ALMS1: variants seen among roughly 807,000 people sequenced by gnomAD.
The protein encoded by ALMS1 is ALMS1 centrosome and basal body associated protein.
A neutral mutation model predicts 352.2 loss-of-function variants in ALMS1; 271 were observed. The observed-to-expected ratio is 0.77, with a 90% CI of 0.70 to 0.85. ALMS1 has a LOEUF of 0.85. Among genes scored for constraint, ALMS1 ranks in the 40% least tolerant of loss-of-function variants. The probability of loss-of-function intolerance (pLI) is 0.00; values close to 1 mark genes in which losing one functional copy is unlikely to be tolerated. For synonymous variants in ALMS1, 1,865 were observed against 1,761.2 expected, an observed-to-expected ratio of 1.06 and a Z score of -1.48; for missense variants, 5,445 against 4,870.7, an observed-to-expected ratio of 1.12 and a Z score of -3.51.
At position 73,491,288 on chromosome 2, in the gene ALMS1, A is replaced by C; in HGVS notation, c.9329A>C (p.Asp3110Ala). The stretch of plus-strand genomic sequence containing the variant: ...TTGACCAGTAAACCTGTAGCACAGG[A>C]TCAAGAATCTTTAGGTTTTCTAGGA... ...KLLTSKPVAQ[D>A]QESLGFLGPK... The change falls in exon 10 of 23, where the codon GAT becomes GCT. Residue 3110 changes from aspartate to alanine, a missense_variant. Physicochemically the swap from Asp to Ala is moderately radical, Grantham distance 126. Transcript: ENST00000613296. 1.9e-6 allele frequency: 3 copies of C among 1,614,186 alleles called. No homozygotes were observed. The highest frequency in any genetic ancestry group is 2.5e-6 in the Non-Finnish European group (3 of 1,180,018).
In ALMS1 at chr2:73,455,179, A is replaced by C. The variant is rs745351635; in HGVS notation, c.7558A>C (p.Asn2520His). ...VRAHAWNMKFNLAHDCGYSIS... is the reference protein window; with the variant it reads ...VRAHAWNMKFHLAHDCGYSIS... ...CTCTCCAGCCTGGAATATGAAGTTC[A>C]ATTTAGCACATGATTGTGGATACTC... The change falls in exon 9 of 23, where the codon AAT becomes CAT. Residue 2520 changes from asparagine (N) to histidine (H), a missense_variant. Asn to His is a moderately conservative substitution (Grantham distance 68). Transcript: ENST00000613296. 1.9e-6 allele frequency: 3 copies of C among 1,613,166 alleles called. No homozygotes were observed. The African/African-American group carries it at 4.0e-5, about 22-fold the overall frequency.
intron 16 of ALMS1, among the ~76,000 whole-genome samples, chr2:73,589,824 A>G (rs1675387048): frequency 6.6e-6 from 1 of 152,124 alleles, no homozygotes; most frequent in Non-Finnish European, 1.5e-5. Context: ...ATGTCCCCTT[A>G]TGCGTCTGTC....
chr2:73,569,319 G>A (rs905896175), intron 15 of ALMS1, among the ~76,000 whole-genome samples: 2 of 151,814 alleles, frequency 1.3e-5, no homozygotes, highest in African/African-American at 4.8e-5. Context: ...CCAGCCTTCA[G>A]CTTGCTTATT....
intron 9 of ALMS1, among the ~76,000 whole-genome samples, chr2:73,488,172 G>T (rs780389): frequency 1.3e-5 from 2 of 151,986 alleles, no homozygotes; most frequent in African/African-American, 4.8e-5. Context: ...GGTACCCATG[G>T]CACACCCAGG....
At chr2:73,428,625 C>T (rs906380194) in intron 6 of ALMS1, among the ~76,000 whole-genome samples, 8 of 152,078 alleles carry the variant, frequency 5.3e-5, no homozygotes, top group African/African-American at 1.9e-4. Flanking sequence ...TAGCTTTGAC[C>T]ACTGCTCCAA....
At chr2:73,535,033 C>T in intron 12 of ALMS1, 84 bp downstream of exon 12, 1 of 1,546,966 alleles carries the variant, frequency 6.5e-7, no homozygotes, top group South Asian at 1.1e-5. Flanking sequence ...GACAAAAGTC[C>T]AGTGCTCTTT....
chr2:73,598,878 C>T (rs1220520656), intron 16 of ALMS1, among the ~76,000 whole-genome samples: 8 of 152,116 alleles, frequency 5.3e-5, no homozygotes, highest in South Asian at 4.2e-4. Context: ...TTGCTCTGAA[C>T]GTAATTTAAA....
intron 15 of ALMS1, among the ~76,000 whole-genome samples, chr2:73,564,089 G>C (rs1171169154): frequency 6.6e-6 from 1 of 150,526 alleles, no homozygotes; most frequent in Admixed American, 6.6e-5. Context: ...AGCCTATATG[G>C]GTTAAACTTA....
At chr2:73,434,841 T>C (rs1276083358) in intron 7 of ALMS1, among the ~76,000 whole-genome samples, 1 of 152,224 alleles carries the variant, frequency 6.6e-6, no homozygotes, top group Non-Finnish European at 1.5e-5. Flanking sequence ...TCTTGTTCTG[T>C]TGCCCAGGCT....
intron 9 of ALMS1, among the ~76,000 whole-genome samples, chr2:73,480,615 G>A (rs1180051533): frequency 2.0e-4 from 30 of 151,376 alleles, no homozygotes; most frequent in Non-Finnish European, 7.4e-5. Flanking sequence ...TGGGTCAAAT[G>A]GTATTTCTAG....
rs183237753 is a variant in ALMS1, at chr2:73,466,038, A to T, written c.7674+10743A>T. Among the ~76,000 whole-genome samples, 961 of 152,258 alleles carry T rather than the reference A, an allele frequency of 6.3e-3. 12 individuals are homozygous for T. Among genetic ancestry groups the T allele is most frequent in the African/African-American group, 0.022 (904 of 41,540 alleles). ...AGGAACACTTTACACTGTTGGTGGG[A>T]CTATAAACTAGTTCAACCACTGTGG... On this transcript the variant is annotated intron_variant, in intron 9 of 22. Coordinates refer to ENST00000613296, the MANE Select transcript of ALMS1 (RefSeq NM_001378454.1).
intron 13 of ALMS1, among the ~76,000 whole-genome samples, chr2:73,554,847 C>T (rs1674511127): frequency 1.3e-5 from 2 of 152,078 alleles, no homozygotes; most frequent in African/African-American, 4.8e-5. Flanking sequence ...CACGTTTTCC[C>T]CCATATTTTC....
In ALMS1 at chr2:73,600,742, T is replaced by A. The variant is rs766642540; in HGVS notation, c.11733T>A (p.Thr3911=). ...GAGATGTTGGGATAACTTTCCCAACTCCAAGTTCCAGCGAGGCTAAATTGG... is the reference window on the plus strand; with the variant it reads ...GAGATGTTGGGATAACTTTCCCAACACCAAGTTCCAGCGAGGCTAAATTGG... ...HTRDVGITFP[T]PSSSEAKLEE... The change falls in exon 18 of 23, where the codon ACT becomes ACA. Residue 3911 remains threonine (T), a synonymous_variant. Coordinates refer to ENST00000613296, the MANE Select transcript of ALMS1 (RefSeq NM_001378454.1). 8 of 1,614,158 alleles carry A rather than the reference T, an allele frequency of 5.0e-6. No individual in the cohort carries two copies. Among genetic ancestry groups the A allele is most frequent in the South Asian group, 2.2e-5 (2 of 91,064 alleles).
intron 7 of ALMS1, among the ~76,000 whole-genome samples, chr2:73,446,194 G>T (rs1671808586): frequency 1.3e-5 from 2 of 152,050 alleles, no homozygotes; most frequent in African/African-American, 2.4e-5. Flanking sequence ...AGGTTAAAAA[G>T]ACCTTATCTT....
intron 16 of ALMS1, among the ~76,000 whole-genome samples, chr2:73,582,375 G>A (rs888001192): frequency 3.3e-5 from 5 of 151,842 alleles, no homozygotes; most frequent in African/African-American, 1.2e-4. Context: ...TCTTGTGCGT[G>A]GTAAAAAACA....
chr2:73,528,995 C>A (rs1329590001), intron 11 of ALMS1, among the ~76,000 whole-genome samples: 1 of 138,104 alleles, frequency 7.2e-6, no homozygotes, highest in Admixed American at 7.3e-5. Context: ...ATTCTGAGTT[C>A]TTTCTCTGTG....
In ALMS1 at chr2:73,424,426, T is replaced by C. The variant is rs1671338808; in HGVS notation, c.765-4T>C. ...TTTATTTATTTTTAACTATATATTTTCAGGGGAATTCCTGATAAGTCTGAA... is the reference window on the plus strand; with the variant it reads ...TTTATTTATTTTTAACTATATATTTCCAGGGGAATTCCTGATAAGTCTGAA... On this transcript the variant is annotated splice_polypyrimidine_tract_variant and splice_region_variant and intron_variant, in intron 4 of 22. Coordinates refer to ENST00000613296, the MANE Select transcript of ALMS1 (RefSeq NM_001378454.1). The C allele has an allele frequency of 6.5e-7, 1 of 1,534,608 alleles. No individual in the cohort carries two copies. Among genetic ancestry groups the C allele is most frequent in the Non-Finnish European group, 8.8e-7 (1 of 1,139,382 alleles).
Position 73,475,344 on chromosome 2 carries a change from T to C in ALMS1, c.7675-14290T>C, listed in dbSNP as rs573795675. On this transcript the variant is annotated intron_variant, in intron 9 of 22. Coordinates refer to ENST00000613296, the MANE Select transcript of ALMS1 (RefSeq NM_001378454.1). ...AGTAGCTGCACTATTTACATTCCCATGAGCAGTATATGAGGGTTTCAGTTT... is the reference window on the plus strand; with the variant it reads ...AGTAGCTGCACTATTTACATTCCCACGAGCAGTATATGAGGGTTTCAGTTT... Among the ~76,000 whole-genome samples, 46 of 152,230 alleles carry C rather than the reference T, an allele frequency of 3.0e-4. No individual in the cohort carries two copies. In the South Asian group the frequency reaches 8.9e-3, roughly 30 times the overall value.
At chr2:73,461,429 G>A (rs1331999878) in intron 9 of ALMS1, among the ~76,000 whole-genome samples, 5 of 152,094 alleles carry the variant, frequency 3.3e-5, no homozygotes, top group East Asian at 1.9e-4. Context: ...CAAACAGAAA[G>A]GACATCCACA....
Sources: allele counts gnomAD v4.1 joint callset (sites outside exome capture counted in the v4.1 genomes callset), GRCh38; gene constraint gnomAD v4.1.1; transcripts MANE v1.5; gene names NCBI Gene and HGNC (gene_info 2026-07-23, HGNC 2026-07-21).